SPOCK3: variants seen among roughly 807,000 people sequenced by gnomAD.
SPOCK3 encodes testican-3.
SPOCK3 carries 30 observed loss-of-function variants against 56.6 expected under a neutral mutation model. The ratio of observed to expected loss-of-function variants is 0.53; its 90% CI spans 0.40 to 0.72. The LOEUF is 0.72. SPOCK3 is among the 30% of genes least tolerant of loss of function. The probability of loss-of-function intolerance (pLI) is 0.00; values close to 1 mark genes in which losing one functional copy is unlikely to be tolerated. For missense variants in SPOCK3, 527 were observed against 530.0 expected, an observed-to-expected ratio of 0.99 and a Z score of 0.06; for synonymous variants, 196 against 183.3, an observed-to-expected ratio of 1.07 and a Z score of -0.56.
intron 4 of SPOCK3, among the ~76,000 whole-genome samples, chr4:166,914,259 T>C (rs569152406): frequency 6.6e-6 from 1 of 152,200 alleles, no homozygotes; most frequent in African/African-American, 2.4e-5. Flanking sequence ...GACGTATATG[T>C]CCTTTATGCT....
intron 10 of SPOCK3, among the ~76,000 whole-genome samples, chr4:166,736,394 T>A (rs1341528804): frequency 6.6e-6 from 1 of 152,120 alleles, no homozygotes; most frequent in Admixed American, 6.6e-5. Flanking sequence ...GTGTTCCCTA[T>A]ATGTAAAATT....
intron 7 of SPOCK3, 46 bp from the exon 8 acceptor site, chr4:166,754,775 C>T (rs1329154452): frequency 6.3e-7 from 1 of 1,596,254 alleles, no homozygotes; most frequent in Admixed American, 1.7e-5. Context: ...TGAAAGACAC[C>T]ATTAGCAGAA....
chr4:167,087,074 G>T (rs998326850), intron 2 of SPOCK3, among the ~76,000 whole-genome samples: 2 of 152,168 alleles, frequency 1.3e-5, no homozygotes, highest in African/African-American at 2.4e-5. Flanking sequence ...TGAACAAAAT[G>T]ATCTAAATAA....
At chr4:166,990,680 GT>G (rs1747688706) in intron 4 of SPOCK3, among the ~76,000 whole-genome samples, 1 of 152,014 alleles carries the variant, frequency 6.6e-6, no homozygotes, top group African/African-American at 2.4e-5. Flanking sequence ...TACCCAAAAT[GT>G]TGAATTATTT....
At chr4:166,743,288 A>G (rs2126408871) in intron 8 of SPOCK3, among the ~76,000 whole-genome samples, 1 of 152,238 alleles carries the variant, frequency 6.6e-6, no homozygotes, top group East Asian at 1.9e-4. Flanking sequence ...AAAAAGGCAA[A>G]GTATATTAAT....
chr4:166,937,827 G>T (rs1579715861), intron 4 of SPOCK3, among the ~76,000 whole-genome samples: 1 of 148,172 alleles, frequency 6.7e-6, no homozygotes, highest in Non-Finnish European at 1.5e-5. Context: ...GCAGTGGGGC[G>T]ATCTCGGCTC....
chr4:166,746,847 T>G (rs1396732711), intron 8 of SPOCK3, among the ~76,000 whole-genome samples: 7 of 152,074 alleles, frequency 4.6e-5, no homozygotes, highest in Admixed American at 1.3e-4. Flanking sequence ...CAGAGAATAC[T>G]GTAAACACCT....
chr4:166,866,085 A>G (rs1214625804), intron 6 of SPOCK3, among the ~76,000 whole-genome samples: 1 of 152,172 alleles, frequency 6.6e-6, no homozygotes, highest in Non-Finnish European at 1.5e-5. Context: ...AGACAGATAT[A>G]TAGACCAATG....
chr4:167,065,056 A>AAAAAAAAAAAAAAAAAAAAAAAAAAAC (rs1755990539), intron 2 of SPOCK3, among the ~76,000 whole-genome samples: 2 of 142,820 alleles, frequency 1.4e-5, no homozygotes, highest in Admixed American at 7.1e-5. Flanking sequence ...AAAAAAAAAA[A>AAAAAAAAAAAAAAAAAAAAAAAAAAAC]AAAAGTCAAA....
intron 3 of SPOCK3, among the ~76,000 whole-genome samples, chr4:167,036,318 C>T (rs1214067914): frequency 3.3e-5 from 5 of 152,148 alleles, no homozygotes; most frequent in Admixed American, 2.0e-4. Context: ...AGTAAAAAAA[C>T]ACCCAAAGTT....
chr4:166,931,582 C>T (rs1343545128), intron 4 of SPOCK3, among the ~76,000 whole-genome samples: 1 of 152,140 alleles, frequency 6.6e-6, no homozygotes, highest in Non-Finnish European at 1.5e-5. Context: ...CTCTGTAATA[C>T]ATAAGTGCTC....
chr4:166,823,328 C>T (rs1465812530), intron 6 of SPOCK3, among the ~76,000 whole-genome samples: 1 of 151,918 alleles, frequency 6.6e-6, no homozygotes, highest in Non-Finnish European at 1.5e-5. Flanking sequence ...GAAGCAGAGA[C>T]ACTAGATAAA....
chr4:166,918,966 T>C (rs918365287), intron 4 of SPOCK3, among the ~76,000 whole-genome samples: 1 of 152,244 alleles, frequency 6.6e-6, no homozygotes, highest in South Asian at 2.1e-4. Flanking sequence ...ATGTGATCTC[T>C]GCACACCCCA....
rs1431895130 is a variant in SPOCK3 at position 167,205,532 on chromosome 4, A to AATATATAT, written c.189+28452_189+28453insATATATAT. 1.3e-4 allele frequency among the ~76,000 whole-genome samples: 7 copies of AATATATAT among 55,250 alleles called. 1 individual carries two copies. In the South Asian group the frequency reaches 2.3e-3, roughly 18 times the overall value. 36.2% of individuals were successfully genotyped at this position (55,250 alleles called of 152,430 possible). A position where few individuals can be genotyped will look rare whatever the true frequency, so the allele number is the denominator to read the frequency against. ...TATAATATATATTATATATATTATT[A>AATATATAT]TATAATATATATTATATAATATATA... On this transcript the variant is annotated intron_variant, in intron 2 of 10. Coordinates refer to ENST00000357545, the MANE Select transcript of SPOCK3 (RefSeq NM_001040159.2).
At chr4:166,952,613 C>A (rs1237331180) in intron 4 of SPOCK3, among the ~76,000 whole-genome samples, 1 of 152,126 alleles carries the variant, frequency 6.6e-6, no homozygotes, top group African/African-American at 2.4e-5. Context: ...CAAAAAAGAG[C>A]CCGCATCGTC....
intron 3 of SPOCK3, among the ~76,000 whole-genome samples, chr4:167,047,487 A>G (rs1753836522): frequency 6.6e-6 from 1 of 152,312 alleles, no homozygotes; most frequent in East Asian, 1.9e-4. Context: ...TGAATTTCCC[A>G]AAATAAGCCA....
At chr4:166,913,795 T>C (rs991633111) in intron 4 of SPOCK3, among the ~76,000 whole-genome samples, 28 of 152,090 alleles carry the variant, frequency 1.8e-4, no homozygotes, top group African/African-American at 6.8e-4. Flanking sequence ...TCTCTCTCTC[T>C]CTCAAAGATT....
chr4:167,005,377 T>A (rs1032139504), intron 3 of SPOCK3, among the ~76,000 whole-genome samples: 1 of 150,752 alleles, frequency 6.6e-6, no homozygotes, highest in African/African-American at 2.4e-5. Flanking sequence ...GCCTGGCTAA[T>A]TTTTTTTTGT....
intron 3 of SPOCK3, among the ~76,000 whole-genome samples, chr4:167,041,723 T>G (rs1244730080): frequency 6.6e-6 from 1 of 152,136 alleles, no homozygotes; most frequent in Non-Finnish European, 1.5e-5. Context: ...TAACAATGTA[T>G]TGTATGTTTC....
Sources: allele counts gnomAD v4.1 joint callset (sites outside exome capture counted in the v4.1 genomes callset), GRCh38; gene constraint gnomAD v4.1.1; transcripts MANE v1.5; gene names NCBI Gene and HGNC (gene_info 2026-07-23, HGNC 2026-07-21).